Variants in DPYD observed in about 807,000 individuals in gnomAD.
DPYD encodes the protein dihydropyrimidine dehydrogenase, also known as dihydropyrimidine dehydrogenase [NADP(+)].
Under a neutral mutation model 116.2 loss-of-function variants are expected in DPYD, and 109 were observed. The ratio of observed to expected loss-of-function variants is 0.94; its 90% CI spans 0.80 to 1.10. DPYD has a LOEUF of 1.10. Ranked by LOEUF, DPYD falls within the 50% of genes least tolerant of loss-of-function variation. The pLI is 0.00. For missense variants in DPYD, 1,302 were observed against 1,254.5 expected, an observed-to-expected ratio of 1.04 and a Z score of -0.57; for synonymous variants, 440 against 432.0, an observed-to-expected ratio of 1.02 and a Z score of -0.23.
At chr1:97,108,371 G>A (rs1651334770) in intron 20 of DPYD, among the ~76,000 whole-genome samples, 1 of 152,096 alleles carries the variant, frequency 6.6e-6, no homozygotes, top group African/African-American at 2.4e-5. Context: ...GATATGATCT[G>A]TTTTGTTTTC....
At chr1:97,216,058 T>C (rs1660371215) in intron 19 of DPYD, among the ~76,000 whole-genome samples, 1 of 152,226 alleles carries the variant, frequency 6.6e-6, no homozygotes, top group East Asian at 1.9e-4. Flanking sequence ...CTTTTTTGTG[T>C]GTGCTTTTAT....
At chr1:97,884,197 G>A (rs1672373835) in intron 1 of DPYD, among the ~76,000 whole-genome samples, 1 of 151,920 alleles carries the variant, frequency 6.6e-6, no homozygotes, top group African/African-American at 2.4e-5. Context: ...TAATTAGCCA[G>A]AAGCAATTCT....
chr1:97,276,389 A>C (rs1391667816), intron 18 of DPYD, among the ~76,000 whole-genome samples: 1 of 152,114 alleles, frequency 6.6e-6, no homozygotes, highest in Non-Finnish European at 1.5e-5. Flanking sequence ...GGGAGGAAAT[A>C]TTTGCAAACT....
At chr1:97,861,627 C>T in intron 2 of DPYD, among the ~76,000 whole-genome samples, 1 of 151,870 alleles carries the variant, frequency 6.6e-6, no homozygotes, top group East Asian at 1.9e-4. Flanking sequence ...TTATGGCACA[C>T]AAGAGAAACA....
At position 97,547,225 on chromosome 1, in the gene DPYD, T is replaced by TA. The variant is rs111889402; in HGVS notation, c.1524+2334dup. ...ATGATAATAAATCCTTTGTTATTAT[T>TA]AAAAAAAACTGTGAAATTACTCTGA... is the stretch of plus-strand genomic sequence containing the variant. On this transcript the variant is annotated intron_variant, in intron 12 of 22. Coordinates refer to ENST00000370192, the MANE Select transcript of DPYD (RefSeq NM_000110.4). 7.4e-4 allele frequency among the ~76,000 whole-genome samples: 112 copies of TA among 152,020 alleles called. No individual in the cohort carries two copies. The Middle Eastern group carries it at 0.014, about 18-fold the overall frequency.
chr1:97,695,030 T>G (rs565645664), intron 6 of DPYD, among the ~76,000 whole-genome samples: 1 of 152,336 alleles, frequency 6.6e-6, no homozygotes, highest in Non-Finnish European at 1.5e-5. Flanking sequence ...CAGCAACTGC[T>G]GATTCAGCTA....
intron 19 of DPYD, among the ~76,000 whole-genome samples, chr1:97,228,078 A>G (rs1661316614): frequency 1.3e-5 from 2 of 151,438 alleles, no homozygotes; most frequent in Admixed American, 6.6e-5. Context: ...TACATTTAAC[A>G]TTTATTGTAT....
At chr1:97,124,263 T>A (rs980371444) in intron 20 of DPYD, among the ~76,000 whole-genome samples, 4 of 152,094 alleles carry the variant, frequency 2.6e-5, no homozygotes, top group African/African-American at 9.7e-5. Flanking sequence ...TAATGTGTCA[T>A]TAGTTTGACC....
At chr1:97,410,752 A>T (rs1430668199) in intron 14 of DPYD, among the ~76,000 whole-genome samples, 2 of 152,138 alleles carry the variant, frequency 1.3e-5, no homozygotes, top group Non-Finnish European at 2.9e-5. Flanking sequence ...TAAATATTTT[A>T]AAATTATTTT....
At chr1:97,917,362 ATTTATAACCCATGACTTTCCTTG>A (rs1674268108) in intron 1 of DPYD, among the ~76,000 whole-genome samples, 1 of 152,162 alleles carries the variant, frequency 6.6e-6, no homozygotes, top group Non-Finnish European at 1.5e-5. Flanking sequence ...ATCTCTGCCA[ATTTATAACCCATGACTTTCCTTG>A]TTTCAAAATT....
At chr1:97,823,080 T>C (rs1238779818) in intron 3 of DPYD, among the ~76,000 whole-genome samples, 1 of 152,250 alleles carries the variant, frequency 6.6e-6, no homozygotes, top group African/African-American at 2.4e-5. Context: ...TTAGATTGTG[T>C]AATGATCAAA....
At chr1:97,413,439 C>T (rs7521567) in intron 14 of DPYD, among the ~76,000 whole-genome samples, 142,096 of 152,240 alleles carry the variant, frequency 0.93, 67,121 homozygotes, top group East Asian at 1. Context: ...GTAGAGGTAG[C>T]TACTGTCAAG....
rs1316443232 is a variant in DPYD, at chr1:97,248,290, C to T, written c.2300-13296G>A. Among the ~76,000 whole-genome samples, 9 of 152,102 alleles carry T rather than the reference C, an allele frequency of 5.9e-5. No homozygotes were observed. In the South Asian group the frequency reaches 6.2e-4, roughly 11 times the overall value. Reference sequence around the variant, plus strand: ...GTGGGAGGTGATTGGATTATGGGGGCGGGTCTTTCCTGCGCTGTTCTTGTG... The same window carrying T: ...GTGGGAGGTGATTGGATTATGGGGGTGGGTCTTTCCTGCGCTGTTCTTGTG... On this transcript the variant is annotated intron_variant, in intron 18 of 22. Transcript: ENST00000370192.
chr1:97,853,498 T>C (rs1670667840), intron 2 of DPYD, among the ~76,000 whole-genome samples: 1 of 152,248 alleles, frequency 6.6e-6, no homozygotes, highest in Non-Finnish European at 1.5e-5. Flanking sequence ...AGGCTGATTT[T>C]GTTCCTAACC....
intron 19 of DPYD, among the ~76,000 whole-genome samples, chr1:97,233,152 G>C (rs895593185): frequency 2.6e-5 from 4 of 152,112 alleles, no homozygotes; most frequent in Non-Finnish European, 5.9e-5. Context: ...CATGGCTCCT[G>C]GTTACTGCTG....
intron 20 of DPYD, among the ~76,000 whole-genome samples, chr1:97,132,528 T>C (rs1653418106): frequency 6.6e-6 from 1 of 152,092 alleles, no homozygotes; most frequent in Admixed American, 6.6e-5. Flanking sequence ...ATAATAACTA[T>C]AGAACATTTG....
At chr1:97,895,098 CA>C (rs1277602493) in intron 1 of DPYD, among the ~76,000 whole-genome samples, 3 of 151,514 alleles carry the variant, frequency 2.0e-5, no homozygotes, top group Non-Finnish European at 4.4e-5. Context: ...TTTTTTCATT[CA>C]AAACAAATTA....
At chr1:97,456,964 C>T (rs1373502382) in intron 13 of DPYD, among the ~76,000 whole-genome samples, 1 of 152,014 alleles carries the variant, frequency 6.6e-6, no homozygotes, top group East Asian at 1.9e-4. Context: ...TTAGACTACA[C>T]TGGGACTCTC....
chr1:97,876,807 A>T (rs1571514134), intron 2 of DPYD, among the ~76,000 whole-genome samples: 1 of 152,032 alleles, frequency 6.6e-6, no homozygotes, highest in South Asian at 2.1e-4. Flanking sequence ...GTTTTCAGAA[A>T]AATTGAAAGG....
Sources: gnomAD v4.1 joint callset for allele counts (sites outside exome capture counted in the v4.1 genomes callset) on GRCh38, gnomAD v4.1.1 for gene constraint, MANE v1.5 for transcripts, NCBI Gene and HGNC (gene_info 2026-07-23, HGNC 2026-07-21) for gene names.